Variants in SCUBE2 observed in about 807,000 individuals in gnomAD.
SCUBE2 encodes the protein signal peptide, CUB domain and EGF like domain containing 2, also known as signal peptide, CUB and EGF-like domain-containing protein 2.
A neutral mutation model predicts 125.9 loss-of-function variants in SCUBE2; 114 were observed. That is an observed-to-expected ratio of 0.91 (90% CI 0.78 to 1.06). SCUBE2 has a LOEUF of 1.06. Ranked by LOEUF, SCUBE2 falls within the 50% of genes least tolerant of loss-of-function variation. The pLI is 0.00. For missense variants in SCUBE2, 1,255 were observed against 1,301.8 expected (o/e 0.96, Z 0.55); for synonymous variants, 459 against 492.9 (o/e 0.93, Z 0.91).
Position 9,059,426 on chromosome 11 carries a change from C to A in SCUBE2, c.968-1G>T. 6.2e-7 allele frequency: 1 copy of A among 1,613,830 alleles called. No homozygotes were observed. Among genetic ancestry groups the A allele is most frequent in the Non-Finnish European group, 8.5e-7 (1 of 1,179,742 alleles). On this transcript the variant is annotated splice_acceptor_variant, in intron 8 of 22. Transcript: ENST00000649792. LOFTEE classifies it high-confidence loss of function. Reference sequence around the variant, plus strand: ...TTGCGGGTCTGGCACTCATCAATATCTGCAACAGGAAAGCATTGGGCATAT... The same window carrying A: ...TTGCGGGTCTGGCACTCATCAATATATGCAACAGGAAAGCATTGGGCATAT...
chr11:9,032,127 A>ATT (rs1039137673), intron 17 of SCUBE2, among the ~76,000 whole-genome samples: 3 of 145,788 alleles, frequency 2.1e-5, no homozygotes, highest in African/African-American at 7.5e-5. Flanking sequence ...TATTGCTGTC[A>ATT]TTTTTTTTTT....
chr11:9,042,420 T>C (rs1857338605), intron 16 of SCUBE2, among the ~76,000 whole-genome samples: 1 of 152,166 alleles, frequency 6.6e-6, no homozygotes, highest in Non-Finnish European at 1.5e-5. Flanking sequence ...CTTTCCATTC[T>C]ACCATCAGAT....
Position 9,066,784 on chromosome 11 carries a change from G to C in SCUBE2, c.673C>G (p.Gln225Glu). The change falls in exon 6 of 23, where the codon CAG becomes GAG. Residue 225 changes from glutamine to glutamate, a missense_variant. Gln to Glu is a conservative substitution (Grantham distance 29, BLOSUM62 2). Transcript: ENST00000649792. ...LTCNHGNGGCQHSCDDTADGP... is the reference protein window; with the variant it reads ...LTCNHGNGGCEHSCDDTADGP... ...TCGGCTGTATCGTCACAGGAGTGCT[G>C]GCACCCACCGTTCCCATGGTTACAG... The C allele has an allele frequency of 6.2e-7, 1 of 1,614,102 alleles. No individual in the cohort carries two copies. Among genetic ancestry groups the C allele is most frequent in the Non-Finnish European group, 8.5e-7 (1 of 1,180,006 alleles).
chr11:9,027,270 G>C, intron 20 of SCUBE2, 94 bp downstream of exon 20: 1 of 1,228,640 alleles, frequency 8.1e-7, no homozygotes, highest in South Asian at 1.3e-5. Context: ...TGGAGGTGAC[G>C]TTCTAGGCCT....
intron 4 of SCUBE2, among the ~76,000 whole-genome samples, chr11:9,070,491 G>T (rs567687453): frequency 6.6e-6 from 1 of 152,140 alleles, no homozygotes; most frequent in Non-Finnish European, 1.5e-5. Flanking sequence ...TTAATTACCT[G>T]TTCCTATGTT....
rs1861064063 is a variant in SCUBE2, at chr11:9,074,554, C to T, written c.444G>A (p.Gly148=). Residue 148 remains glycine (G), a synonymous_variant, in exon 4 of 23, where the codon GGG becomes GGA. Coordinates refer to ENST00000649792, the MANE Select transcript of SCUBE2 (RefSeq NM_001367977.2). The stretch of plus-strand genomic sequence containing the variant: ...CCTCCTTGCAGCAGCACTCATAGCT[C>T]CCCATGACGTTGACACAGGTATGCT... ...GCQHTCVNVM[G]SYECCCKEGF... is the part of the protein sequence containing the mutation. The T allele has an allele frequency of 1.9e-6, 3 of 1,614,216 alleles. No individual in the cohort carries two copies. Among genetic ancestry groups the T allele is most frequent in the African/African-American group, 1.3e-5 (1 of 75,044 alleles).
At chr11:9,082,311 T>C (rs1181343496) in intron 2 of SCUBE2, among the ~76,000 whole-genome samples, 1 of 152,248 alleles carries the variant, frequency 6.6e-6, no homozygotes, top group Non-Finnish European at 1.5e-5. Context: ...TGATATTGTC[T>C]TTTGATGTTC....
At position 9,020,964 on chromosome 11, in the gene SCUBE2, G is replaced by C. The variant is rs1004484813; in HGVS notation, c.*81C>G. 3.8e-6 allele frequency: 5 copies of C among 1,316,498 alleles called. No homozygotes were observed. Among genetic ancestry groups the C allele is most frequent in the Non-Finnish European group, 5.2e-6 (5 of 962,140 alleles). 81.6% of individuals were successfully genotyped at this position (1,316,498 alleles called of 1,614,324 possible). On this transcript the variant is annotated 3_prime_UTR_variant, in exon 23 of 23. Transcript: ENST00000649792. ...ATACGGGAGGCAGCAATACCCGACT[G>C]TGCTGACATGCAGAAGGAAGACAGC...
At chr11:9,031,494 T>A (rs1480000186) in intron 17 of SCUBE2, among the ~76,000 whole-genome samples, 20 of 152,006 alleles carry the variant, frequency 1.3e-4, no homozygotes. Context: ...CCAGACATAG[T>A]GGCACATGTC....
intron 2 of SCUBE2, among the ~76,000 whole-genome samples, chr11:9,083,805 G>A (rs1197304702): frequency 1.3e-5 from 2 of 152,136 alleles, no homozygotes; most frequent in African/African-American, 4.8e-5. Context: ...CTCCCAAAGT[G>A]CTGGGATTAC....
intron 8 of SCUBE2, 57 bp from the exon 9 acceptor site, chr11:9,059,482 A>G (rs1410968128): frequency 1.9e-6 from 3 of 1,571,978 alleles, no homozygotes; most frequent in East Asian, 4.6e-5. Flanking sequence ...ATTTCCCACA[A>G]CTCCCTGAAG....
At position 9,035,857 on chromosome 11, in the gene SCUBE2, C is replaced by T. The variant is rs868503316; in HGVS notation, c.2003-2061G>A. Among the ~76,000 whole-genome samples, 6 of 150,776 alleles carry T rather than the reference C, an allele frequency of 4.0e-5. No homozygotes were observed. In the South Asian group the frequency reaches 1.2e-3, roughly 31 times the overall value. On this transcript the variant is annotated intron_variant, in intron 16 of 22. Coordinates refer to ENST00000649792, the MANE Select transcript of SCUBE2 (RefSeq NM_001367977.2). The stretch of plus-strand genomic sequence containing the variant: ...CTCATATTTCTTGGATTTTCTTTTA[C>T]AACATTCATGTATCATTTAAATACA...
intron 4 of SCUBE2, among the ~76,000 whole-genome samples, chr11:9,070,176 G>C (rs1330345745): frequency 2.0e-5 from 3 of 152,068 alleles, no homozygotes; most frequent in African/African-American, 7.3e-5. Context: ...GAGAGAGAGA[G>C]AAGGAGGGAG....
At chr11:9,035,786 A>T (rs1398458881) in intron 16 of SCUBE2, among the ~76,000 whole-genome samples, 2 of 149,874 alleles carry the variant, frequency 1.3e-5, no homozygotes, top group East Asian at 3.8e-4. Flanking sequence ...TCTACAATTC[A>T]ATGTAACCAA....
At chr11:9,081,021 C>T (rs1411820195) in intron 2 of SCUBE2, among the ~76,000 whole-genome samples, 1 of 152,120 alleles carries the variant, frequency 6.6e-6, no homozygotes, top group Non-Finnish European at 1.5e-5. Context: ...TAGGGATATG[C>T]AAATTAAAAC....
intron 2 of SCUBE2, among the ~76,000 whole-genome samples, chr11:9,085,871 T>G (rs1023773619): frequency 6.6e-6 from 1 of 151,452 alleles, no homozygotes; most frequent in South Asian, 2.1e-4. Flanking sequence ...CTTGCTCTGT[T>G]GCCCAGGCTG....
At chr11:9,058,324 G>A (rs925909394) in intron 9 of SCUBE2, among the ~76,000 whole-genome samples, 10 of 152,100 alleles carry the variant, frequency 6.6e-5, no homozygotes, top group South Asian at 4.1e-4. Context: ...TTGGCCAGGC[G>A]CAGTGGCTCA....
At chr11:9,026,104 C>A in intron 20 of SCUBE2, 1 of 376,120 alleles carries the variant, frequency 2.7e-6, no homozygotes, top group Non-Finnish European at 4.8e-6. Flanking sequence ...CAGGCTGTAC[C>A]GTTCACTGTA....
intron 21 of SCUBE2, among the ~76,000 whole-genome samples, chr11:9,023,266 C>G (rs1446253372): frequency 7.9e-5 from 12 of 152,178 alleles, no homozygotes; most frequent in Non-Finnish European, 8.8e-5. Flanking sequence ...AAAAGTTTCT[C>G]TCAGTTAAGG....
Sources: allele counts gnomAD v4.1 joint callset (sites outside exome capture counted in the v4.1 genomes callset), GRCh38; gene constraint gnomAD v4.1.1; transcripts MANE v1.5; gene names NCBI Gene and HGNC (gene_info 2026-07-23, HGNC 2026-07-21).